Variants in KAZN observed in about 807,000 individuals in gnomAD.
The protein encoded by KAZN is kazrin, periplakin interacting protein.
A neutral mutation model predicts 87.4 loss-of-function variants in KAZN; 40 were observed. That is an observed-to-expected ratio of 0.46 (90% CI 0.36 to 0.60). KAZN has a LOEUF of 0.60. Ranked by LOEUF, KAZN falls within the 20% of genes least tolerant of loss-of-function variation. The pLI is 0.00. For synonymous variants in KAZN, 466 were observed against 458.3 expected, an observed-to-expected ratio of 1.02 and a Z score of -0.22; for missense variants, 898 against 1,073.9, an observed-to-expected ratio of 0.84 and a Z score of 2.29.
chr1:13,893,809 T>C, intron 1 of KAZN: 1 of 1,542,280 alleles, frequency 6.5e-7, no homozygotes, highest in Non-Finnish European at 8.8e-7. Flanking sequence ...TGGAGCGTTA[T>C]CCCGGGTCCC....
chr1:14,444,914 T>C (rs1446655646), intron 2 of KAZN, among the ~76,000 whole-genome samples: 2 of 152,194 alleles, frequency 1.3e-5, no homozygotes, highest in Non-Finnish European at 2.9e-5. Context: ...AAAATTCACA[T>C]ATTGAAGCCC....
intron 2 of KAZN, among the ~76,000 whole-genome samples, chr1:14,574,402 G>A (rs1675053623): frequency 6.6e-6 from 1 of 152,192 alleles, no homozygotes; most frequent in Non-Finnish European, 1.5e-5. Flanking sequence ...GTTGTGGGAG[G>A]GACCCAGTGG....
intron 5 of KAZN, among the ~76,000 whole-genome samples, chr1:15,059,631 G>GAGC (rs1638610213): frequency 6.6e-6 from 1 of 152,116 alleles, no homozygotes; most frequent in Admixed American, 6.6e-5. Context: ...CAATGTTTTG[G>GAGC]AGCTGCTGCT....
chr1:13,911,987 CT>C (rs1467387904), intron 1 of KAZN, among the ~76,000 whole-genome samples: 1 of 152,128 alleles, frequency 6.6e-6, no homozygotes, highest in Non-Finnish European at 1.5e-5. Flanking sequence ...TTCCCCATTA[CT>C]ATTGTTTTAA....
At chr1:14,247,987 C>A (rs1394288081) in intron 2 of KAZN, among the ~76,000 whole-genome samples, 1 of 152,164 alleles carries the variant, frequency 6.6e-6, no homozygotes, top group African/African-American at 2.4e-5. Flanking sequence ...AACTCTAACG[C>A]AATCGGTGCT....
chr1:14,522,903 C>A (rs1671660637), intron 2 of KAZN, among the ~76,000 whole-genome samples: 1 of 152,174 alleles, frequency 6.6e-6, no homozygotes, highest in African/African-American at 2.4e-5. Flanking sequence ...GGAAATTCCA[C>A]CTCATTGATT....
At chr1:14,667,048 A>G (rs1639607183) in intron 1 of KAZN, among the ~76,000 whole-genome samples, 1 of 152,148 alleles carries the variant, frequency 6.6e-6, no homozygotes, top group African/African-American at 2.4e-5. Context: ...CCCACCCTAA[A>G]TCCAGGAAGA....
At chr1:14,586,574 G>T (rs1228643279) in intron 2 of KAZN, among the ~76,000 whole-genome samples, 1 of 146,596 alleles carries the variant, frequency 6.8e-6, no homozygotes, top group Non-Finnish European at 1.5e-5. Context: ...TGTTGCTCAG[G>T]TGCTGGAGTG....
chr1:14,790,875 A>G (rs888327939), intron 1 of KAZN, among the ~76,000 whole-genome samples: 1 of 152,180 alleles, frequency 6.6e-6, no homozygotes, highest in Non-Finnish European at 1.5e-5. Flanking sequence ...TATTTTTAAT[A>G]GAGATGGGGT....
At chr1:14,736,321 G>A (rs1382179652) in intron 1 of KAZN, among the ~76,000 whole-genome samples, 1 of 141,150 alleles carries the variant, frequency 7.1e-6, no homozygotes, top group African/African-American at 2.7e-5. Context: ...TTTTTGAGAC[G>A]GAGTTTTGCT....
intron 2 of KAZN, among the ~76,000 whole-genome samples, chr1:14,355,778 G>A (rs1255837888): frequency 3.3e-5 from 5 of 152,124 alleles, no homozygotes; most frequent in Admixed American, 3.3e-4. Context: ...TTTTATAGCT[G>A]CATAGTATTC....
Position 15,046,456 on chromosome 1 carries a change from G to A in KAZN, c.726+2297G>A, listed in dbSNP as rs544087896. On this transcript the variant is annotated intron_variant, in intron 4 of 14. Transcript: ENST00000376030. ...ATTGGCTTTGCTGTCTCGGGGTGACGGAGGTAGAAGAAAATCCGCCGATAA... is the reference window on the plus strand; with the variant it reads ...ATTGGCTTTGCTGTCTCGGGGTGACAGAGGTAGAAGAAAATCCGCCGATAA... 1.7e-3 allele frequency among the ~76,000 whole-genome samples: 259 copies of A among 152,254 alleles called. 1 individual carries two copies. Among genetic ancestry groups the A allele is most frequent in the Non-Finnish European group, 3.0e-3 (202 of 68,028 alleles).
chr1:14,383,965 T>C (rs1416852471), intron 2 of KAZN, among the ~76,000 whole-genome samples: 1 of 152,076 alleles, frequency 6.6e-6, no homozygotes, highest in African/African-American at 2.4e-5. Context: ...TGTTCTTCCA[T>C]TTGTTTGTAT....
chr1:14,869,507 C>A (rs3845599), intron 1 of KAZN, among the ~76,000 whole-genome samples: 69,061 of 151,924 alleles, frequency 0.45, 15,942 homozygotes, highest in Non-Finnish European at 0.5. Context: ...ATTTTTATAT[C>A]TTCACCTATG....
At chr1:14,752,892 TCAGTTTCAGTGCAGCC>T (rs1200393367) in intron 1 of KAZN, among the ~76,000 whole-genome samples, 1 of 152,168 alleles carries the variant, frequency 6.6e-6, no homozygotes, top group African/African-American at 2.4e-5. Context: ...CACACTCTGA[TCAGTTTCAGTGCAGCC>T]CAGCTGTGCA....
intron 1 of KAZN, chr1:14,929,862 G>A (rs1659607270): frequency 6.1e-6 from 6 of 985,344 alleles, no homozygotes; most frequent in Non-Finnish European, 6.0e-6. Context: ...CCTTGTGGCG[G>A]CTTCTATGAA....
chr1:14,264,555 T>C (rs1326199836), intron 2 of KAZN, among the ~76,000 whole-genome samples: 5 of 152,120 alleles, frequency 3.3e-5, no homozygotes, highest in Non-Finnish European at 7.4e-5. Flanking sequence ...CCCCATCCTC[T>C]CTCTCTCCCA....
rs565626267 is a variant in KAZN at position 13,905,893 on chromosome 1, T to A, written c.91+12137T>A. On this transcript the variant is annotated intron_variant, in intron 1 of 16. Transcript: ENST00000636203. ...ATCTCATTGTTCCGCAGGCCAGAAA[T>A]CCAAAATCAGTATCTCTGGACTGAA... Among the ~76,000 whole-genome samples, 71 of 152,258 alleles carry A rather than the reference T, an allele frequency of 4.7e-4. 1 individual carries two copies. The East Asian group carries it at 0.011, about 23-fold the overall frequency.
At chr1:15,028,918 G>T (rs1316514327) in intron 2 of KAZN, among the ~76,000 whole-genome samples, 2 of 152,302 alleles carry the variant, frequency 1.3e-5, no homozygotes, top group Non-Finnish European at 2.9e-5. Flanking sequence ...AAATATTGGG[G>T]TTTGTTATTC....
Sources: allele counts gnomAD v4.1 joint callset (sites outside exome capture counted in the v4.1 genomes callset), GRCh38; gene constraint gnomAD v4.1.1; transcripts MANE v1.5; gene names NCBI Gene and HGNC (gene_info 2026-07-23, HGNC 2026-07-21).